ABCA10: variants seen among roughly 807,000 people sequenced by gnomAD.
ABCA10 encodes ATP binding cassette subfamily A member 10, also known as ATP-binding cassette sub-family A member 10.
ABCA10 carries 169 observed loss-of-function variants against 187.5 expected under a neutral mutation model. The observed-to-expected ratio is 0.90, with a 90% CI of 0.80 to 1.02. The LOEUF (loss-of-function observed/expected upper bound fraction) is 1.02, where lower values mean the gene tolerates loss of function less well. Ranked by LOEUF, ABCA10 falls within the 50% of genes least tolerant of loss-of-function variation. The pLI is 0.00. For missense variants in ABCA10, 1,727 were observed against 1,812.4 expected, an observed-to-expected ratio of 0.95 and a Z score of 0.86; for synonymous variants, 574 against 601.8, an observed-to-expected ratio of 0.95 and a Z score of 0.68.
chr17:69,203,030 A>G (rs189679388), intron 9 of ABCA10, among the ~76,000 whole-genome samples: 12 of 152,346 alleles, frequency 7.9e-5, no homozygotes, highest in Admixed American at 7.2e-4. Flanking sequence ...GAGCTAAGGA[A>G]GAAGAGACAC....
chr17:69,209,639 T>C (rs1457956964), intron 9 of ABCA10, among the ~76,000 whole-genome samples: 1 of 152,244 alleles, frequency 6.6e-6, no homozygotes, highest in East Asian at 1.9e-4. Flanking sequence ...TAAGAAATTA[T>C]GTGTGAGGAA....
intron 10 of ABCA10, among the ~76,000 whole-genome samples, chr17:69,198,493 G>C (rs1195735732): frequency 6.6e-6 from 1 of 152,176 alleles, no homozygotes; most frequent in Non-Finnish European, 1.5e-5. Flanking sequence ...CAGCTTCTCA[G>C]ACTTCTTGAC....
At chr17:69,178,932 C>T (rs1311804159) in intron 22 of ABCA10, 3 of 152,082 alleles carry the variant, frequency 2.0e-5, no homozygotes, top group African/African-American at 7.2e-5. Context: ...TCCCTGGATC[C>T]ACAGGAGACA....
chr17:69,190,609 G>T, intron 17 of ABCA10, 132 bp from the exon 18 acceptor site: 1 of 797,472 alleles, frequency 1.3e-6, no homozygotes, highest in Non-Finnish European at 1.8e-6. Context: ...AATAATCCAA[G>T]GAAACCTTTT....
intron 11 of ABCA10, among the ~76,000 whole-genome samples, chr17:69,196,074 T>C (rs1415771780): frequency 6.6e-6 from 1 of 152,178 alleles, no homozygotes; most frequent in Non-Finnish European, 1.5e-5. Flanking sequence ...AGCTGCTGGG[T>C]ACACCTCCCA....
At chr17:69,244,755 GTAAC>G (rs540932268) in exon 1 of ABCA10, 93 of 151,450 alleles carry the variant, frequency 6.1e-4, no homozygotes, top group African/African-American at 2.2e-3. Flanking sequence ...GAAGTTTTGA[GTAAC>G]TAACAGAACA....
chr17:69,152,300 G>T, intron 35 of ABCA10, 62 bp downstream of exon 35: 1 of 1,583,242 alleles, frequency 6.3e-7, no homozygotes, highest in Non-Finnish European at 8.6e-7. Flanking sequence ...GCTGTTCATA[G>T]CAAACTGAAA....
At chr17:69,182,108 C>T (rs1487090281) in intron 22 of ABCA10, 45 bp downstream of exon 22, 3 of 1,455,014 alleles carry the variant, frequency 2.1e-6, no homozygotes, top group South Asian at 3.2e-5. Flanking sequence ...CATCCTTTAT[C>T]CCTCTGCTGT....
chr17:69,153,435 A>G (rs114802155), intron 33 of ABCA10, 36 bp from the exon 34 acceptor site: 12 of 1,613,760 alleles, frequency 7.4e-6, no homozygotes, highest in African/African-American at 5.3e-5. Context: ...GCACCCAGCC[A>G]TGGGTGCACA....
At chr17:69,157,376 G>T in intron 27 of ABCA10, among the ~76,000 whole-genome samples, 1 of 152,140 alleles carries the variant, frequency 6.6e-6, no homozygotes, top group East Asian at 1.9e-4. Context: ...GGGTAGATAG[G>T]TCACTCTTTC....
chr17:69,223,137 T>C (rs2074763466), intron 3 of ABCA10, among the ~76,000 whole-genome samples: 1 of 152,184 alleles, frequency 6.6e-6, no homozygotes, highest in East Asian at 1.9e-4. Context: ...TACAAGTTTG[T>C]ACTATTCAAC....
intron 27 of ABCA10, among the ~76,000 whole-genome samples, chr17:69,159,397 C>T (rs2074198350): frequency 6.6e-6 from 1 of 151,838 alleles, no homozygotes; most frequent in Admixed American, 6.6e-5. Context: ...GAAATGATGG[C>T]CCAAAACTTC....
At chr17:69,207,177 A>G (rs1379648319) in intron 9 of ABCA10, among the ~76,000 whole-genome samples, 1 of 152,226 alleles carries the variant, frequency 6.6e-6, no homozygotes, top group East Asian at 1.9e-4. Context: ...ATGCAAATTA[A>G]AACCATAACG....
chr17:69,241,537 C>A (rs1020659335), intron 1 of ABCA10, among the ~76,000 whole-genome samples: 1 of 152,200 alleles, frequency 6.6e-6, no homozygotes, highest in Non-Finnish European at 1.5e-5. Context: ...CCATCTTCCA[C>A]TAGTGTCCCC....
chr17:69,154,152 A>T lies in ABCA10; in HGVS notation c.3786+83T>A, dbSNP rs1230026599. The T allele has an allele frequency of 4.8e-6, 7 of 1,450,456 alleles. No homozygotes were observed. The African/African-American group carries it at 5.8e-5, about 12-fold the overall frequency. The allele number at this position is 1,450,456 out of a possible 1,614,324, so 89.8% of individuals were successfully genotyped here. A position where few individuals can be genotyped will look rare whatever the true frequency, so the allele number is the denominator to read the frequency against. On this transcript the variant is annotated intron_variant, in intron 31 of 38. Transcript: ENST00000690296. ...TTATAAATTCTTTCATCTATTTTTT[A>T]AAAAGATATTTGATTTACTGATAGG...
At chr17:69,155,517 T>TTGAAAAATG (rs1187348028) in intron 29 of ABCA10, among the ~76,000 whole-genome samples, 3 of 152,184 alleles carry the variant, frequency 2.0e-5, no homozygotes, top group Admixed American at 2.0e-4. Flanking sequence ...ATTGCAACTC[T>TTGAAAAATG]TGAAAAATGT....
At chr17:69,207,803 T>A (rs944441137) in intron 9 of ABCA10, among the ~76,000 whole-genome samples, 6 of 152,240 alleles carry the variant, frequency 3.9e-5, no homozygotes, top group Non-Finnish European at 4.4e-5. Flanking sequence ...TGTTTGTTAG[T>A]CAAAGGATAC....
At chr17:69,203,192 G>A (rs563331740) in intron 9 of ABCA10, among the ~76,000 whole-genome samples, 1 of 152,104 alleles carries the variant, frequency 6.6e-6, no homozygotes, top group African/African-American at 2.4e-5. Flanking sequence ...TGGGAGAGAA[G>A]AAATGTTCAA....
Position 69,148,796 on chromosome 17 carries a change from C to G in ABCA10, c.*31G>C. ...TATGGAAACTAACAATGTAGTAGGA[C>G]CTAAAATTGAATGTTAGGAGGTTCT... On this transcript the variant is annotated 3_prime_UTR_variant, in exon 39 of 39. Transcript: ENST00000690296. 1 of 1,542,084 alleles carries G rather than the reference C, an allele frequency of 6.5e-7. No homozygotes were observed. Among genetic ancestry groups the G allele is most frequent in the South Asian group, 1.1e-5 (1 of 88,580 alleles).
Sources: allele counts gnomAD v4.1 joint callset (sites outside exome capture counted in the v4.1 genomes callset), GRCh38; gene constraint gnomAD v4.1.1; transcripts MANE v1.5; gene names NCBI Gene and HGNC (gene_info 2026-07-23, HGNC 2026-07-21).